The following NOC3L variants were observed in gnomAD, a reference collection of about 807,000 sequenced individuals.
The protein encoded by NOC3L is NOC3 like DNA replication regulator, also known as nucleolar complex protein 3 homolog.
NOC3L carries 85 observed loss-of-function variants against 102.5 expected under a neutral mutation model. That is an observed-to-expected ratio of 0.83 (90% CI 0.70 to 0.99). NOC3L has a LOEUF of 0.99. NOC3L is among the 50% of genes least tolerant of loss of function. The probability of loss-of-function intolerance (pLI) is 0.00; values close to 1 mark genes in which losing one functional copy is unlikely to be tolerated. For missense variants in NOC3L, 878 were observed against 914.9 expected, an observed-to-expected ratio of 0.96 and a Z score of 0.52; for synonymous variants, 303 against 309.4, an observed-to-expected ratio of 0.98 and a Z score of 0.22.
At chr10:94,360,270 C>T (rs961714626) in intron 2 of NOC3L, among the ~76,000 whole-genome samples, 3 of 151,982 alleles carry the variant, frequency 2.0e-5, no homozygotes, top group African/African-American at 2.4e-5. Flanking sequence ...GAGCCGGGAT[C>T]GTGCCACTGC....
At chr10:94,319,860 T>TCAAAGGA in the NOC3L span, among the ~76,000 whole-genome samples, 1 of 137,948 alleles carries the variant, frequency 7.2e-6, no homozygotes, top group African/African-American at 2.7e-5. Flanking sequence ...GGCTCAAAGG[T>TCAAAGGA]GCTCTTTTTT....
At chr10:94,344,707 T>C in intron 12 of NOC3L, 146 bp downstream of exon 12, 4 of 694,454 alleles carry the variant, frequency 5.8e-6, no homozygotes, top group Non-Finnish European at 9.7e-6. Flanking sequence ...ACTGATCACA[T>C]CACAGTTTCC....
chr10:94,339,453 T>C (rs2054257030), intron 17 of NOC3L, among the ~76,000 whole-genome samples: 1 of 152,158 alleles, frequency 6.6e-6, no homozygotes, highest in Non-Finnish European at 1.5e-5. Flanking sequence ...AAATACAAAG[T>C]TGAGTTGTTT....
At chr10:94,316,733 AT>A in the NOC3L span, 1 of 1,613,824 alleles carries the variant, frequency 6.2e-7, no homozygotes, top group Non-Finnish European at 8.5e-7. Context: ...CATGGGCAGG[AT>A]TGTCTTAAAA....
chr10:94,347,473 T>A (rs1370353406), intron 10 of NOC3L, among the ~76,000 whole-genome samples: 1 of 152,218 alleles, frequency 6.6e-6, no homozygotes, highest in Admixed American at 6.5e-5. Context: ...GGTTTTCCTA[T>A]GGCTGAGTTT....
chr10:94,320,822 G>GTTGCT, the NOC3L span, among the ~76,000 whole-genome samples: 1 of 152,192 alleles, frequency 6.6e-6, no homozygotes, highest in Non-Finnish European at 1.5e-5. Flanking sequence ...ATTCAAGGGT[G>GTTGCT]TTGCTTTACA....
intron 13 of NOC3L, among the ~76,000 whole-genome samples, chr10:94,344,003 A>G (rs751577631): frequency 5.9e-5 from 9 of 152,210 alleles, no homozygotes; most frequent in Non-Finnish European, 1.0e-4. Context: ...TTGAGTGAAT[A>G]CACCAAAAGA....
chr10:94,358,165 C>G lies in NOC3L; in HGVS notation c.268G>C (p.Asp90His), dbSNP rs1481885287. 1 of 1,610,488 alleles carries G rather than the reference C, an allele frequency of 6.2e-7. No individual in the cohort carries two copies. Among genetic ancestry groups the G allele is most frequent in the Non-Finnish European group, 8.5e-7 (1 of 1,177,828 alleles). The part of the protein sequence containing the change: ...EEEEEEALPL[D>H]MMDEDDLQLM... ...TGTAAGTCATCTTCATCCATCATAT[C>G]TAAAGGAAGGGCTTCTTCTTCTTCC... Residue 90 changes from aspartate (D) to histidine (H), a missense_variant, in exon 3 of 21, where the codon GAT becomes CAT. Asp to His is a moderately conservative substitution (Grantham distance 81, BLOSUM62 -1). Transcript: ENST00000371361.
intron 14 of NOC3L, 68 bp from the exon 15 acceptor site, chr10:94,340,564 T>G: frequency 2.9e-6 from 4 of 1,361,346 alleles, no homozygotes; most frequent in Non-Finnish European, 4.1e-6. Flanking sequence ...TTTATAGCTT[T>G]AAAAAAGAAC....
intron 10 of NOC3L, among the ~76,000 whole-genome samples, chr10:94,346,837 C>T (rs1217797425): frequency 2.0e-5 from 3 of 152,092 alleles, no homozygotes; most frequent in East Asian, 3.8e-4. Flanking sequence ...AGAGAGAACA[C>T]ATGCCAACAG....
intron 20 of NOC3L, 80 bp downstream of exon 20, chr10:94,334,554 A>G (rs2054195386): frequency 9.4e-7 from 1 of 1,060,496 alleles, no homozygotes; most frequent in East Asian, 2.4e-5. Context: ...CTATAAAATA[A>G]TTAAGCAAAC....
the NOC3L span, chr10:94,321,869 T>G: frequency 6.5e-7 from 1 of 1,538,460 alleles, no homozygotes; most frequent in Non-Finnish European, 9.0e-7. Context: ...ATAAACCTAT[T>G]ATTTACTCAC....
the NOC3L span, among the ~76,000 whole-genome samples, chr10:94,321,666 G>T: frequency 6.7e-6 from 1 of 149,812 alleles, no homozygotes; most frequent in Non-Finnish European, 1.5e-5. Flanking sequence ...AATAGGAGCA[G>T]ATAAATTGGC....
the NOC3L span, chr10:94,316,426 T>C: frequency 1.4e-6 from 1 of 693,546 alleles, no homozygotes; most frequent in South Asian, 1.5e-5. Flanking sequence ...AAAAGAATTA[T>C]GCAATACTCT....
downstream of NOC3L, chr10:94,329,111 T>C (rs1716058989): frequency 6.6e-6 from 1 of 152,234 alleles, no homozygotes; most frequent in South Asian, 2.1e-4. Context: ...ATATATGCTC[T>C]GAACATCTGA....
the NOC3L span, chr10:94,316,530 C>T: frequency 6.4e-7 from 1 of 1,571,266 alleles, no homozygotes; most frequent in Admixed American, 1.7e-5. Context: ...CTCAGTTTGC[C>T]TTCACTTTTT....
intron 8 of NOC3L, among the ~76,000 whole-genome samples, chr10:94,351,780 G>C (rs970418652): frequency 1.3e-5 from 2 of 151,080 alleles, no homozygotes; most frequent in African/African-American, 4.9e-5. Context: ...CTCTTGCCTC[G>C]GCCTCCAAAA....
Sources: gnomAD v4.1 joint callset for allele counts (sites outside exome capture counted in the v4.1 genomes callset) on GRCh38, gnomAD v4.1.1 for gene constraint, MANE v1.5 for transcripts, NCBI Gene and HGNC (gene_info 2026-07-23, HGNC 2026-07-21) for gene names.